The following CDK17 variants were observed in gnomAD, a reference collection of about 807,000 sequenced individuals.
The protein encoded by CDK17 is cyclin-dependent kinase 17.
In CDK17, 24 loss-of-function variants were observed where a neutral mutation model predicts 77.6. The observed-to-expected ratio is 0.31, with a 90% CI of 0.22 to 0.44. CDK17 has a LOEUF of 0.44. CDK17 is among the 20% of genes least tolerant of loss of function. The pLI, the probability that CDK17 is intolerant of heterozygous loss-of-function variation, is 1.00. For synonymous variants in CDK17, 203 were observed against 210.4 expected (o/e 0.96, Z 0.30); for missense variants, 429 against 622.5 (o/e 0.69, Z 3.31).
At chr12:96,349,985 A>G (rs913542126) in intron 1 of CDK17, among the ~76,000 whole-genome samples, 2 of 152,228 alleles carry the variant, frequency 1.3e-5, no homozygotes, top group Non-Finnish European at 2.9e-5. Flanking sequence ...GCAATGAACT[A>G]TATGAAAGGG....
chr12:96,383,165 C>A (rs914317373), intron 1 of CDK17, among the ~76,000 whole-genome samples: 2 of 151,942 alleles, frequency 1.3e-5, no homozygotes, highest in Non-Finnish European at 2.9e-5. Context: ...TTTACAATAG[C>A]CCCCCAAAAA....
At chr12:96,336,718 G>C (rs1353558640) in intron 1 of CDK17, among the ~76,000 whole-genome samples, 1 of 152,124 alleles carries the variant, frequency 6.6e-6, no homozygotes, top group Non-Finnish European at 1.5e-5. Flanking sequence ...CTTTTCAGCT[G>C]TGTCTAATCT....
chr12:96,368,582 G>A (rs888748342), intron 1 of CDK17, among the ~76,000 whole-genome samples: 1 of 152,108 alleles, frequency 6.6e-6, no homozygotes, highest in African/African-American at 2.4e-5. Context: ...CTCATTCTTA[G>A]ACGGCATTTT....
chr12:96,330,164 T>C (rs1407419807), intron 2 of CDK17, among the ~76,000 whole-genome samples: 1 of 152,146 alleles, frequency 6.6e-6, no homozygotes, highest in East Asian at 1.9e-4. Flanking sequence ...ATAATCTCAA[T>C]ATATCGTCCC....
At chr12:96,369,808 C>T (rs191287451) in intron 1 of CDK17, among the ~76,000 whole-genome samples, 11 of 152,074 alleles carry the variant, frequency 7.2e-5, no homozygotes, top group Admixed American at 5.9e-4. Context: ...AGGTCTGGCG[C>T]GGTGGCTCAC....
intron 1 of CDK17, among the ~76,000 whole-genome samples, chr12:96,336,979 G>A (rs909287599): frequency 1.3e-5 from 2 of 152,016 alleles, no homozygotes; most frequent in Middle Eastern, 3.2e-3. Flanking sequence ...ATTTTTTATT[G>A]TATGTAAGAC....
chr12:96,328,235 G>A (rs1952916270), intron 2 of CDK17, among the ~76,000 whole-genome samples: 1 of 152,108 alleles, frequency 6.6e-6, no homozygotes, highest in Admixed American at 6.6e-5. Flanking sequence ...ATCACCTTCA[G>A]ATGGGACCAT....
At chr12:96,344,020 C>A (rs947365620) in intron 1 of CDK17, among the ~76,000 whole-genome samples, 5 of 151,976 alleles carry the variant, frequency 3.3e-5, no homozygotes. Flanking sequence ...TGGAATCAAA[C>A]AAAAATTCCA....
chr12:96,307,723 T>G (rs1242444285), intron 5 of CDK17, among the ~76,000 whole-genome samples: 1 of 151,836 alleles, frequency 6.6e-6, no homozygotes, highest in Non-Finnish European at 1.5e-5. Context: ...ATGCAAAAAT[T>G]AGCCAGGCAT....
intron 1 of CDK17, among the ~76,000 whole-genome samples, chr12:96,340,058 A>G (rs1043899227): frequency 6.6e-6 from 1 of 152,066 alleles, no homozygotes; most frequent in Non-Finnish European, 1.5e-5. Flanking sequence ...TAAAAATTAC[A>G]TATGGGGTGC....
intron 1 of CDK17, among the ~76,000 whole-genome samples, chr12:96,365,167 TAA>T (rs1299263707): frequency 2.6e-5 from 4 of 152,228 alleles, no homozygotes; most frequent in African/African-American, 9.6e-5. Context: ...AGATATTTGA[TAA>T]TGGTACATTA....
chr12:96,315,089 T>C (rs1952693244), intron 3 of CDK17, among the ~76,000 whole-genome samples: 1 of 152,220 alleles, frequency 6.6e-6, no homozygotes, highest in African/African-American at 2.4e-5. Context: ...GCATATTAAC[T>C]AACAATCAAG....
In CDK17 at chr12:96,341,637, CTA is replaced by C. The variant is rs61122039; in HGVS notation, c.-29-6774_-29-6773del. Among the ~76,000 whole-genome samples the C allele has an allele frequency of 9.7e-3, 1,470 of 152,210 alleles. 23 individuals are homozygous for C. Among genetic ancestry groups the C allele is most frequent in the African/African-American group, 0.034 (1,407 of 41,538 alleles). ...ATACAATTAAGGAAAGGTAAGAATTCTATTTACTTAAGGAATATAGATAATGA... is the reference window on the plus strand; with the variant it reads ...ATACAATTAAGGAAAGGTAAGAATTCTTTACTTAAGGAATATAGATAATGA... On this transcript the variant is annotated intron_variant, in intron 1 of 16. Transcript: ENST00000261211.
chr12:96,300,521 G>A (rs199966646), intron 5 of CDK17, among the ~76,000 whole-genome samples, 161 bp from the exon 6 acceptor site: 17 of 151,504 alleles, frequency 1.1e-4, no homozygotes, highest in Non-Finnish European at 2.4e-4. Context: ...CTCAGCCTCC[G>A]GAGCAGCTGG....
chr12:96,280,981 C>G (rs1399359674), intron 15 of CDK17, 96 bp from the exon 16 acceptor site: 4 of 985,744 alleles, frequency 4.1e-6, no homozygotes, highest in Non-Finnish European at 5.8e-6. Context: ...TATACTGATT[C>G]AATATGAAAC....
At chr12:96,286,897 TCTAA>T in intron 11 of CDK17, 136 bp from the exon 12 acceptor site, 1 of 612,610 alleles carries the variant, frequency 1.6e-6, no homozygotes, top group East Asian at 2.8e-5. Flanking sequence ...ATATTTTAGA[TCTAA>T]CTAATTTGTT....
In CDK17 at chr12:96,294,985, C is replaced by T. The variant is rs1592709529; in HGVS notation, c.997+14G>A. On this transcript the variant is annotated intron_variant, in intron 10 of 16. Coordinates refer to ENST00000261211, the MANE Select transcript of CDK17 (RefSeq NM_002595.5). ...AACCTGGAAGTACTAATAAATATCT[C>T]ATACATTCCATACCAAAATCTGCTA... The T allele has an allele frequency of 6.3e-7, 1 of 1,598,902 alleles. No homozygotes were observed. Among genetic ancestry groups the T allele is most frequent in the Non-Finnish European group, 8.5e-7 (1 of 1,172,366 alleles).
intron 1 of CDK17, among the ~76,000 whole-genome samples, chr12:96,394,941 T>C (rs1954144491): frequency 6.7e-6 from 1 of 150,206 alleles, no homozygotes; most frequent in Non-Finnish European, 1.5e-5. Context: ...AATGGTGCGA[T>C]CTTGGCTCAC....
intron 1 of CDK17, among the ~76,000 whole-genome samples, chr12:96,346,863 C>T (rs1169966429): frequency 2.0e-5 from 3 of 150,346 alleles, no homozygotes; most frequent in Admixed American, 6.6e-5. Context: ...TGCAGTGAGC[C>T]GAGATCACAC....
Sources: gnomAD v4.1 joint callset for allele counts (sites outside exome capture counted in the v4.1 genomes callset) on GRCh38, gnomAD v4.1.1 for gene constraint, MANE v1.5 for transcripts, NCBI Gene and HGNC (gene_info 2026-07-23, HGNC 2026-07-21) for gene names.